KATNIP: variants seen among roughly 807,000 people sequenced by gnomAD.
KATNIP encodes the protein katanin-interacting protein.
KATNIP carries 126 observed loss-of-function variants against 174.0 expected under a neutral mutation model. That is an observed-to-expected ratio of 0.72 (90% CI 0.63 to 0.84). The LOEUF is 0.84. Among genes scored for constraint, KATNIP ranks in the 40% least tolerant of loss-of-function variants. The probability of loss-of-function intolerance (pLI) is 0.00; values close to 1 mark genes in which losing one functional copy is unlikely to be tolerated. For missense variants in KATNIP, 1,958 were observed against 2,109.7 expected (o/e 0.93, Z 1.41); for synonymous variants, 810 against 835.7 (o/e 0.97, Z 0.53).
At chr16:27,770,401 T>C (rs1344338337) in intron 21 of KATNIP, among the ~76,000 whole-genome samples, 2 of 152,210 alleles carry the variant, frequency 1.3e-5, no homozygotes, top group Admixed American at 6.5e-5. Context: ...GAGCTTAATA[T>C]TTCATGGATT....
At chr16:27,753,740 T>A (rs1182367453) in intron 17 of KATNIP, among the ~76,000 whole-genome samples, 2 of 127,776 alleles carry the variant, frequency 1.6e-5, no homozygotes, top group Non-Finnish European at 3.3e-5. Flanking sequence ...CTTCCCTCCC[T>A]CCCTCCCTCC....
intron 6 of KATNIP, among the ~76,000 whole-genome samples, chr16:27,672,667 AAGG>A (rs1364460715): frequency 3.3e-5 from 5 of 152,234 alleles, no homozygotes; most frequent in Admixed American, 6.5e-5. Context: ...TAGAAGGAGC[AAGG>A]AGGAGTGGCG....
intron 6 of KATNIP, among the ~76,000 whole-genome samples, chr16:27,651,664 A>G (rs926775217): frequency 6.6e-6 from 1 of 152,004 alleles, no homozygotes; most frequent in Non-Finnish European, 1.5e-5. Context: ...GTTGCCCTCC[A>G]CCCCGTTGAC....
At chr16:27,679,516 C>T (rs919671976) in intron 7 of KATNIP, among the ~76,000 whole-genome samples, 3 of 152,026 alleles carry the variant, frequency 2.0e-5, no homozygotes, top group African/African-American at 7.2e-5. Flanking sequence ...ACAGTTTCGG[C>T]AGCCAAGGCG....
chr16:27,550,786 C>T (rs1399159390), intron 1 of KATNIP, among the ~76,000 whole-genome samples: 3 of 152,136 alleles, frequency 2.0e-5, no homozygotes, highest in Non-Finnish European at 4.4e-5. Context: ...AAGGAACTTG[C>T]CCAAAGTCAA....
intron 12 of KATNIP, chr16:27,708,384 T>G: frequency 7.9e-6 from 2 of 252,706 alleles, no homozygotes; most frequent in Non-Finnish European, 1.5e-5. Flanking sequence ...TACCGAACAC[T>G]GAGTAGTGGG....
intron 2 of KATNIP, among the ~76,000 whole-genome samples, chr16:27,615,341 ATT>A (rs1196363656): frequency 7.9e-6 from 1 of 125,900 alleles, no homozygotes; most frequent in African/African-American, 3.0e-5. Context: ...TTTTATTATT[ATT>A]ATTTTATTTA....
At position 27,771,681 on chromosome 16, in the gene KATNIP, C is replaced by G. The variant is rs1567430092; in HGVS notation, c.4198+29C>G. 8.1e-6 allele frequency: 13 copies of G among 1,609,680 alleles called. No homozygotes were observed. In the East Asian group the frequency reaches 2.9e-4, roughly 36 times the overall value. Reference sequence around the variant, plus strand: ...TCCTTCTCCTCCCGCCCCACCAGCACATTCTGGGCCCCGAGGCAGCGCCTG... The same window carrying G: ...TCCTTCTCCTCCCGCCCCACCAGCAGATTCTGGGCCCCGAGGCAGCGCCTG... On this transcript the variant is annotated intron_variant, in intron 22 of 27. Transcript: ENST00000261588.
rs957891617 is a variant in KATNIP at position 27,576,302 on chromosome 16, G to A, written c.63+2346G>A. On this transcript the variant is annotated intron_variant, in intron 2 of 27. Transcript: ENST00000261588. ...ATTTCTCTCCTGGGAAGTGCTTGTA[G>A]TGAGAAACAGAGAGTGAAGCTGTTT... is the stretch of plus-strand genomic sequence containing the variant. Among the ~76,000 whole-genome samples, 10 of 152,108 alleles carry A rather than the reference G, an allele frequency of 6.6e-5. No homozygotes were observed. The East Asian group carries it at 1.5e-3, about 23-fold the overall frequency.
chr16:27,768,828 C>T (rs1462759428), intron 20 of KATNIP, among the ~76,000 whole-genome samples: 1 of 152,228 alleles, frequency 6.6e-6, no homozygotes, highest in Admixed American at 6.5e-5. Context: ...GGTCAGGGAC[C>T]CTTCCTCCCT....
rs201515161 is a variant in KATNIP at position 27,704,009 on chromosome 16, T to G, written c.1389+11T>G. ...GTATCAGACACAGAGGTGAGAGCCT[T>G]GACTTGATTTTCAGTTGTACATTCA... On this transcript the variant is annotated intron_variant, in intron 12 of 27. Transcript: ENST00000261588. 6.2e-7 allele frequency: 1 copy of G among 1,607,070 alleles called. No homozygotes were observed. Among genetic ancestry groups the G allele is most frequent in the East Asian group, 2.2e-5 (1 of 44,852 alleles).
intron 8 of KATNIP, among the ~76,000 whole-genome samples, chr16:27,692,829 ACAC>A: frequency 6.6e-6 from 1 of 152,296 alleles, no homozygotes; most frequent in East Asian, 1.9e-4. Context: ...CTGTACTCCC[ACAC>A]CAAGAGCAGC....
At chr16:27,590,022 CT>C (rs2075116996) in intron 2 of KATNIP, among the ~76,000 whole-genome samples, 1 of 151,876 alleles carries the variant, frequency 6.6e-6, no homozygotes, top group African/African-American at 2.4e-5. Context: ...ATGACTAAAT[CT>C]TTTATTTGTG....
chr16:27,634,891 A>G (rs1174600772), intron 5 of KATNIP, among the ~76,000 whole-genome samples: 1 of 152,142 alleles, frequency 6.6e-6, no homozygotes, highest in Non-Finnish European at 1.5e-5. Flanking sequence ...CCAAACGAGG[A>G]GATGGAAGGA....
At chr16:27,647,092 T>C (rs2076979366) in intron 5 of KATNIP, among the ~76,000 whole-genome samples, 1 of 143,650 alleles carries the variant, frequency 7.0e-6, no homozygotes, top group South Asian at 2.5e-4. Context: ...CATGTGCACA[T>C]CTGGAACTAC....
intron 4 of KATNIP, among the ~76,000 whole-genome samples, chr16:27,629,196 G>A (rs2076419259): frequency 6.6e-6 from 1 of 151,336 alleles, no homozygotes; most frequent in Non-Finnish European, 1.5e-5. Context: ...AGGGATTATG[G>A]AACCACATCC....
At chr16:27,572,081 C>A (rs576085980) in intron 1 of KATNIP, among the ~76,000 whole-genome samples, 35 of 151,620 alleles carry the variant, frequency 2.3e-4, no homozygotes, top group Non-Finnish European at 3.7e-4. Flanking sequence ...CAGAGAGCTC[C>A]CATATACCCC....
rs73517344 is a variant in KATNIP at position 27,774,869 on chromosome 16, C to T, written c.4310-76C>T. 5.1e-6 allele frequency: 8 copies of T among 1,573,410 alleles called. No individual in the cohort carries two copies. The African/African-American group carries it at 1.1e-4, about 21-fold the overall frequency. On this transcript the variant is annotated intron_variant, in intron 23 of 27. Transcript: ENST00000261588. The stretch of plus-strand genomic sequence containing the variant: ...CTGCCAGCCCCAGAGTCCCCCGAGC[C>T]ACGCCATCAGCCTGAGGGTGGCTGG...
Position 27,740,811 on chromosome 16 carries a change from A to C in KATNIP, c.2514A>C (p.Ser838=). The C allele has an allele frequency of 6.2e-7, 1 of 1,614,090 alleles. No homozygotes were observed. The highest frequency in any genetic ancestry group is 1.1e-5 in the South Asian group (1 of 91,056). ...RATTKVHSDD[S]DIFNQPPNRE... is the part of the protein sequence containing the mutation. ...CCACCAAAGTCCACAGTGATGACTC[A>C]GACATCTTTAACCAGCCCCCCAACA... Residue 838 remains serine (S), a synonymous_variant, in exon 15 of 28, where the codon TCA becomes TCC. Coordinates refer to ENST00000261588, the MANE Select transcript of KATNIP (RefSeq NM_015202.5).
Sources: gnomAD v4.1 joint callset for allele counts (sites outside exome capture counted in the v4.1 genomes callset) on GRCh38, gnomAD v4.1.1 for gene constraint, MANE v1.5 for transcripts, NCBI Gene and HGNC (gene_info 2026-07-23, HGNC 2026-07-21) for gene names.